NRG1: variants seen among roughly 807,000 people sequenced by gnomAD.
NRG1 encodes the protein neuregulin 1, also known as pro-neuregulin-1, membrane-bound isoform.
NRG1 carries 18 observed loss-of-function variants against 63.8 expected under a neutral mutation model. That is an observed-to-expected ratio of 0.28 (90% confidence interval 0.19 to 0.42). NRG1 has a LOEUF of 0.42. NRG1 is among the 10% of genes least tolerant of loss of function. NRG1 has a pLI of 1.00. For missense variants in NRG1, 762 were observed against 814.7 expected (o/e 0.94, Z 0.79); for synonymous variants, 302 against 301.3 (o/e 1.00, Z -0.02).
chr8:31,639,750 CTT>C (rs527318845), intron 1 of NRG1: 4,129 of 1,147,680 alleles, frequency 3.6e-3, no homozygotes, highest in East Asian at 9.6e-3. Context: ...TCTATTTTGC[CTT>C]TTTTTTTTTT....
intron 5 of NRG1, among the ~76,000 whole-genome samples, chr8:32,724,332 G>A (rs930563375): frequency 2.0e-5 from 3 of 152,116 alleles, no homozygotes; most frequent in East Asian, 3.8e-4. Context: ...CTATTGGGGG[G>A]TATCATCTTT....
At chr8:31,830,987 G>A (rs1323525696) in intron 1 of NRG1, among the ~76,000 whole-genome samples, 1 of 152,054 alleles carries the variant, frequency 6.6e-6, no homozygotes, top group Non-Finnish European at 1.5e-5. Flanking sequence ...ATGACAACTT[G>A]GGTGTCATTA....
At chr8:32,665,533 A>G (rs1803913108) in intron 5 of NRG1, among the ~76,000 whole-genome samples, 1 of 152,154 alleles carries the variant, frequency 6.6e-6, no homozygotes, top group Non-Finnish European at 1.5e-5. Context: ...GGCATACTCA[A>G]TTTGTAGCTC....
chr8:31,946,692 A>G (rs1433614725), intron 1 of NRG1, among the ~76,000 whole-genome samples: 1 of 152,162 alleles, frequency 6.6e-6, no homozygotes, highest in Non-Finnish European at 1.5e-5. Flanking sequence ...TGAGGATTAG[A>G]AAATGGTGTC....
At chr8:32,635,353 C>T (rs554258276) in intron 5 of NRG1, among the ~76,000 whole-genome samples, 1 of 152,296 alleles carries the variant, frequency 6.6e-6, no homozygotes, top group East Asian at 1.9e-4. Context: ...ACACCCTGTA[C>T]AGTGACCTTA....
At chr8:32,649,242 G>A (rs138996919) in intron 5 of NRG1, among the ~76,000 whole-genome samples, 88 of 150,146 alleles carry the variant, frequency 5.9e-4, no homozygotes, top group African/African-American at 2.2e-3. Flanking sequence ...GTGATGTGCA[G>A]AGAGCCCACG....
At chr8:32,733,050 A>C (rs1824130674) in intron 6 of NRG1, among the ~76,000 whole-genome samples, 1 of 151,852 alleles carries the variant, frequency 6.6e-6, no homozygotes, top group Non-Finnish European at 1.5e-5. Flanking sequence ...CAGGTGATCC[A>C]CCTGCCTTGG....
intron 1 of NRG1, among the ~76,000 whole-genome samples, chr8:32,564,925 C>A (rs1414009525): frequency 2.6e-5 from 4 of 151,992 alleles, no homozygotes; most frequent in African/African-American, 9.7e-5. Context: ...AAAAAGTTAG[C>A]CAGTTATAAT....
chr8:32,227,321 A>G (rs1258753173), intron 1 of NRG1, among the ~76,000 whole-genome samples: 1 of 152,212 alleles, frequency 6.6e-6, no homozygotes, highest in Non-Finnish European at 1.5e-5. Context: ...TTCTTTCTTC[A>G]TGAATCTATT....
At chr8:32,268,855 G>A (rs552359603) in intron 1 of NRG1, among the ~76,000 whole-genome samples, 11 of 152,226 alleles carry the variant, frequency 7.2e-5, no homozygotes, top group East Asian at 1.9e-4. Context: ...AGGGAAGCAC[G>A]AAGGACGGGT....
chr8:31,748,490 A>T (rs1387838618), intron 1 of NRG1, among the ~76,000 whole-genome samples: 4 of 151,872 alleles, frequency 2.6e-5, no homozygotes, highest in Non-Finnish European at 1.5e-5. Flanking sequence ...GTTAGATTTT[A>T]GTTCTTTGTT....
chr8:32,162,446 A>G (rs1280201294), intron 1 of NRG1, among the ~76,000 whole-genome samples: 3 of 152,226 alleles, frequency 2.0e-5, no homozygotes, highest in Admixed American at 6.5e-5. Flanking sequence ...CATTACAACA[A>G]AACTCAGACT....
intron 1 of NRG1, among the ~76,000 whole-genome samples, chr8:32,296,940 C>A (rs937581570): frequency 6.6e-6 from 1 of 152,006 alleles, no homozygotes; most frequent in Non-Finnish European, 1.5e-5. Context: ...CATGATGAAA[C>A]CCCCACTCTA....
intron 1 of NRG1, among the ~76,000 whole-genome samples, chr8:31,708,049 G>C (rs972674835): frequency 1.3e-5 from 2 of 152,084 alleles, no homozygotes; most frequent in Non-Finnish European, 2.9e-5. Context: ...TCGGTTGGCT[G>C]TATTTTATTA....
intron 1 of NRG1, among the ~76,000 whole-genome samples, chr8:32,448,605 G>T (rs114945725): frequency 2.0e-5 from 3 of 152,044 alleles, no homozygotes; most frequent in Admixed American, 6.6e-5. Flanking sequence ...TAAGGTAACC[G>T]CAAGATGAGG....
intron 1 of NRG1, among the ~76,000 whole-genome samples, chr8:32,343,467 G>C (rs899131549): frequency 1.3e-5 from 2 of 152,114 alleles, no homozygotes; most frequent in Non-Finnish European, 2.9e-5. Context: ...TAGTACTCCA[G>C]TTTTGTTTAT....
intron 1 of NRG1, among the ~76,000 whole-genome samples, chr8:32,176,107 AT>A (rs1840702068): frequency 6.6e-6 from 1 of 152,228 alleles, no homozygotes; most frequent in African/African-American, 2.4e-5. Context: ...CCAAAACAGC[AT>A]GGTACTGATA....
chr8:31,899,802 A>C (rs901873574), intron 1 of NRG1, among the ~76,000 whole-genome samples: 1 of 152,242 alleles, frequency 6.6e-6, no homozygotes, highest in Non-Finnish European at 1.5e-5. Flanking sequence ...TTTTAAAATT[A>C]TTACCCTAAG....
exon 11 of NRG1, chr8:32,760,300 C>A (rs753874157): frequency 9.3e-6 from 15 of 1,613,896 alleles, no homozygotes; most frequent in African/African-American, 2.7e-5. Context: ...AACTGGGGGC[C>A]CAAGAGGACG....
Sources: allele counts gnomAD v4.1 joint callset (sites outside exome capture counted in the v4.1 genomes callset), GRCh38; gene constraint gnomAD v4.1.1; transcripts MANE v1.5; gene names NCBI Gene and HGNC (gene_info 2026-07-23, HGNC 2026-07-21).